The following MAMDC2 variants were observed in gnomAD, a reference collection of about 807,000 sequenced individuals.
The protein encoded by MAMDC2 is MAM domain containing 2.
Under a neutral mutation model 89.8 loss-of-function variants are expected in MAMDC2, and 57 were observed. The observed-to-expected ratio is 0.63, with a 90% CI of 0.51 to 0.79. The LOEUF (loss-of-function observed/expected upper bound fraction) is 0.79, where lower values mean the gene tolerates loss of function less well. MAMDC2 is among the 30% of genes least tolerant of loss of function. The pLI is 0.00. For synonymous variants in MAMDC2, 313 were observed against 293.4 expected, an observed-to-expected ratio of 1.07 and a Z score of -0.68; for missense variants, 800 against 820.6, an observed-to-expected ratio of 0.97 and a Z score of 0.31.
chr9:70,200,132 T>C (rs1381736410), intron 11 of MAMDC2, among the ~76,000 whole-genome samples: 1 of 152,132 alleles, frequency 6.6e-6, no homozygotes, highest in Non-Finnish European at 1.5e-5. Context: ...TGCCCATGCC[T>C]ATGTCCTGAA....
chr9:70,163,752 G>A (rs1421006126), intron 9 of MAMDC2, among the ~76,000 whole-genome samples: 1 of 151,702 alleles, frequency 6.6e-6, no homozygotes, highest in Non-Finnish European at 1.5e-5. Flanking sequence ...CCAGGAGTTC[G>A]AGACCAGCCT....
intron 11 of MAMDC2, among the ~76,000 whole-genome samples, chr9:70,206,449 C>T (rs1438713236): frequency 6.6e-6 from 1 of 152,056 alleles, no homozygotes; most frequent in Non-Finnish European, 1.5e-5. Flanking sequence ...ATCAGGAAGA[C>T]TACTGTGTGT....
chr9:70,061,957 T>C (rs1281925385), intron 2 of MAMDC2, among the ~76,000 whole-genome samples: 1 of 151,642 alleles, frequency 6.6e-6, no homozygotes, highest in African/African-American at 2.4e-5. Context: ...AGATGTTGAT[T>C]CAGCTGTAAT....
intron 2 of MAMDC2, among the ~76,000 whole-genome samples, chr9:70,056,420 A>G (rs1827025848): frequency 6.6e-6 from 1 of 152,238 alleles, no homozygotes; most frequent in African/African-American, 2.4e-5. Context: ...TTGTTTCTAA[A>G]AATCTTTTTT....
chr9:70,045,792 G>A (rs1826736128), intron 2 of MAMDC2, among the ~76,000 whole-genome samples: 1 of 152,152 alleles, frequency 6.6e-6, no homozygotes, highest in African/African-American at 2.4e-5. Flanking sequence ...TATTCAAATG[G>A]CTAGTCCATA....
rs117077907 is a variant in MAMDC2 at position 70,066,627 on chromosome 9, G to A, written c.148+21930G>A. ...GGTACAGGTTGTTCGCTACCCAAAG[G>A]CATCTGGCTTTTCTCATCAAGCCAG... On this transcript the variant is annotated intron_variant, in intron 2 of 13. Transcript: ENST00000377182. 1.2e-3 allele frequency among the ~76,000 whole-genome samples: 181 copies of A among 152,242 alleles called. 6 individuals carry two copies. The East Asian group carries it at 0.031, about 26-fold the overall frequency.
At chr9:70,198,147 AGT>A (rs1234748293) in intron 11 of MAMDC2, among the ~76,000 whole-genome samples, 1 of 124,602 alleles carries the variant, frequency 8.0e-6, no homozygotes, top group East Asian at 2.8e-4. Flanking sequence ...AAAAAAGCAT[AGT>A]GTGTATGTGT....
At chr9:70,103,728 T>TTA (rs1828258589) in intron 2 of MAMDC2, among the ~76,000 whole-genome samples, 2 of 151,766 alleles carry the variant, frequency 1.3e-5, no homozygotes, top group Non-Finnish European at 2.9e-5. Context: ...ACTCCTGTAA[T>TTA]CCTAGCACTT....
intron 12 of MAMDC2, among the ~76,000 whole-genome samples, chr9:70,222,920 C>G (rs996216812): frequency 3.9e-5 from 6 of 152,074 alleles, no homozygotes; most frequent in African/African-American, 1.4e-4. Context: ...AGGGGGATTT[C>G]TTGAGCCCAG....
At chr9:70,107,439 G>C (rs946443083) in intron 2 of MAMDC2, among the ~76,000 whole-genome samples, 1 of 152,044 alleles carries the variant, frequency 6.6e-6, no homozygotes, top group African/African-American at 2.4e-5. Flanking sequence ...GGAGGAAACA[G>C]GGAATCCGAA....
intron 11 of MAMDC2, among the ~76,000 whole-genome samples, chr9:70,193,151 C>T (rs745373372): frequency 9.9e-5 from 15 of 152,080 alleles, no homozygotes; most frequent in Non-Finnish European, 2.2e-4. Context: ...CTCTGTCAAC[C>T]ATCACAGGAA....
At chr9:70,216,478 T>C (rs1383357420) in intron 11 of MAMDC2, 1 of 152,160 alleles carries the variant, frequency 6.6e-6, no homozygotes, top group Admixed American at 6.5e-5. Context: ...GGCACTATTG[T>C]CATCAGGAGG....
chr9:70,095,244 A>C (rs1827998952), intron 2 of MAMDC2, among the ~76,000 whole-genome samples: 1 of 152,180 alleles, frequency 6.6e-6, no homozygotes, highest in Non-Finnish European at 1.5e-5. Context: ...GACCCCCTTC[A>C]GGTGTTTTAG....
chr9:70,185,895 G>A (rs1563991513), intron 11 of MAMDC2, among the ~76,000 whole-genome samples: 1 of 152,178 alleles, frequency 6.6e-6, no homozygotes, highest in African/African-American at 2.4e-5. Flanking sequence ...GAACGGTTCT[G>A]TCCTGCTGGG....
rs557188335 is a variant in MAMDC2 at position 70,094,752 on chromosome 9, C to T, written c.149-13459C>T. Among the ~76,000 whole-genome samples, 4 of 152,144 alleles carry T rather than the reference C, an allele frequency of 2.6e-5. No homozygotes were observed. In the South Asian group the frequency reaches 6.2e-4, roughly 24 times the overall value. On this transcript the variant is annotated intron_variant, in intron 2 of 13. Transcript: ENST00000377182. ...AGACAGGCAGATATAGTGGGTACCC[C>T]TATATGCTTAAAATCCTAATGAGGA...
chr9:70,103,621 AC>A (rs1172506442), intron 2 of MAMDC2, among the ~76,000 whole-genome samples: 1 of 152,024 alleles, frequency 6.6e-6, no homozygotes, highest in East Asian at 1.9e-4. Flanking sequence ...AAAAAAAAAA[AC>A]TAAAAATAGA....
chr9:70,194,497 C>T (rs1437182617), intron 11 of MAMDC2: 1 of 152,088 alleles, frequency 6.6e-6, no homozygotes, highest in Non-Finnish European at 1.5e-5. Flanking sequence ...GAAGATGCAG[C>T]CCTTGTTAGA....
At chr9:70,052,004 A>T (rs1308935611) in intron 2 of MAMDC2, among the ~76,000 whole-genome samples, 2 of 152,158 alleles carry the variant, frequency 1.3e-5, no homozygotes, top group South Asian at 4.1e-4. Context: ...GGTAAAAAAA[A>T]ATTTTTTTAA....
intron 11 of MAMDC2, 129 bp downstream of exon 11, chr9:70,170,760 A>G (rs2032315388): frequency 2.4e-6 from 2 of 817,800 alleles, no homozygotes; most frequent in Admixed American, 6.6e-5. Flanking sequence ...TTGTGATTCT[A>G]CACACACAGG....
Sources: allele counts gnomAD v4.1 joint callset (sites outside exome capture counted in the v4.1 genomes callset), GRCh38; gene constraint gnomAD v4.1.1; transcripts MANE v1.5; gene names NCBI Gene and HGNC (gene_info 2026-07-23, HGNC 2026-07-21).